The following TMEM94 variants were observed in gnomAD, a reference collection of about 807,000 sequenced individuals.
The protein encoded by TMEM94 is transmembrane protein 94, also known as ER Mg2+ ATPase.
In TMEM94, 81 loss-of-function variants were observed where a neutral mutation model predicts 158.6. The ratio of observed to expected loss-of-function variants is 0.51; its 90% CI spans 0.43 to 0.61. The LOEUF (loss-of-function observed/expected upper bound fraction) is 0.61, where lower values mean the gene tolerates loss of function less well. Ranked by LOEUF, TMEM94 falls within the 20% of genes least tolerant of loss-of-function variation. TMEM94 has a pLI of 0.00. For synonymous variants in TMEM94, 751 were observed against 730.7 expected (o/e 1.03, Z -0.45); for missense variants, 1,435 against 1,762.0 (o/e 0.81, Z 3.32).
Position 75,471,809 on chromosome 17 carries a change from C to T in TMEM94, c.-97C>T. 1 of 1,233,908 alleles carries T rather than the reference C, an allele frequency of 8.1e-7. No individual in the cohort carries two copies. Among genetic ancestry groups the T allele is most frequent in the Non-Finnish European group, 1.2e-6 (1 of 842,504 alleles). 76.4% of individuals were successfully genotyped at this position (1,233,908 alleles called of 1,614,324 possible). A position where few individuals can be genotyped will look rare whatever the true frequency, so the allele number is the denominator to read the frequency against. On this transcript the variant is annotated 5_prime_UTR_variant, in exon 2 of 32. Coordinates refer to ENST00000314256, the MANE Select transcript of TMEM94 (RefSeq NM_014738.6). ...TCTTCTTTTTCCCCAGATGTTGTGA[C>T]TGTGACAGACTCACTGGGGTTTGTA...
intron 2 of TMEM94, among the ~76,000 whole-genome samples, chr17:75,483,843 A>G (rs1692533204): frequency 6.6e-6 from 1 of 152,176 alleles, no homozygotes; most frequent in Non-Finnish European, 1.5e-5. Context: ...CATTCAGGGT[A>G]GCGGTCAGAC....
At chr17:75,466,682 G>A (rs914673775) in intron 1 of TMEM94, among the ~76,000 whole-genome samples, 5 of 152,036 alleles carry the variant, frequency 3.3e-5, no homozygotes, top group Non-Finnish European at 7.4e-5. Context: ...GCCGGCCATG[G>A]TGGTGGACAC....
intron 16 of TMEM94, 187 bp from the exon 17 acceptor site, chr17:75,493,304 T>A (rs2052382028): frequency 3.7e-6 from 3 of 821,902 alleles, no homozygotes; most frequent in Non-Finnish European, 3.8e-6. Flanking sequence ...GTCCAAAGGA[T>A]GGGAATATGG....
intron 2 of TMEM94, among the ~76,000 whole-genome samples, chr17:75,475,075 C>T (rs760991664): frequency 6.6e-6 from 1 of 152,158 alleles, no homozygotes; most frequent in East Asian, 1.9e-4. Context: ...CTTGTAGCTC[C>T]CACCCGAGCA....
intron 2 of TMEM94, among the ~76,000 whole-genome samples, chr17:75,483,046 G>T (rs994145514): frequency 6.6e-6 from 1 of 152,184 alleles, no homozygotes; most frequent in Non-Finnish European, 1.5e-5. Flanking sequence ...CCCAGAGGAG[G>T]TGATGTTTGA....
At position 75,490,404 on chromosome 17, in the gene TMEM94, G is replaced by C. The variant is rs546414028; in HGVS notation, c.1071+54G>C. On this transcript the variant is annotated intron_variant, in intron 10 of 31. Coordinates refer to ENST00000314256, the MANE Select transcript of TMEM94 (RefSeq NM_014738.6). ...GTCACAGGAACAAAAAGAGGGAGCTGGCTGTGCCAGAGGACGGGGGCAGAA... is the reference window on the plus strand; with the variant it reads ...GTCACAGGAACAAAAAGAGGGAGCTCGCTGTGCCAGAGGACGGGGGCAGAA... The C allele has an allele frequency of 4.9e-4, 777 of 1,580,502 alleles. 1 individual carries two copies. Among genetic ancestry groups the C allele is most frequent in the Non-Finnish European group, 6.2e-4 (726 of 1,163,328 alleles).
intron 2 of TMEM94, among the ~76,000 whole-genome samples, chr17:75,472,151 C>T (rs540737047): frequency 6.6e-6 from 1 of 152,338 alleles, no homozygotes; most frequent in South Asian, 2.1e-4. Flanking sequence ...ATTAACACAA[C>T]CGCATGGGAG....
rs754366445 is a variant in TMEM94 at position 75,498,795 on chromosome 17, G to C, written c.3827+73G>C. 5 of 1,526,478 alleles carry C rather than the reference G, an allele frequency of 3.3e-6. No homozygotes were observed. Among genetic ancestry groups the C allele is most frequent in the Non-Finnish European group, 4.4e-6 (5 of 1,135,876 alleles). The allele number at this position is 1,526,478 out of a possible 1,614,324, so 94.6% of individuals were successfully genotyped here. A position where few individuals can be genotyped will look rare whatever the true frequency, so the allele number is the denominator to read the frequency against. ...GGCCTTCTGCAGGGCTAGGATCGGA[G>C]GGCGGGACCGGGGCCAGTGGTTTAA... is the stretch of plus-strand genomic sequence containing the variant. On this transcript the variant is annotated intron_variant, in intron 30 of 31. Transcript: ENST00000314256. The surrounding 1 kb of genome is among the most constrained non-coding windows in gnomAD (Gnocchi z 6.7).
At position 75,496,192 on chromosome 17, in the gene TMEM94, A is replaced by G. The variant is rs1297525024; in HGVS notation, c.3054-90A>G. ...AGCCGACCTCGCCCTGGCTGGGACC[A>G]ATGCACCTGGGCATGGTGGGAGAAG... On this transcript the variant is annotated intron_variant, in intron 23 of 31. Transcript: ENST00000314256. 1.9e-6 allele frequency: 3 copies of G among 1,576,292 alleles called. No homozygotes were observed. In the South Asian group the frequency reaches 3.3e-5, roughly 18 times the overall value.
chr17:75,478,622 C>A (rs1331915752), intron 2 of TMEM94, among the ~76,000 whole-genome samples: 1 of 152,196 alleles, frequency 6.6e-6, no homozygotes, highest in Non-Finnish European at 1.5e-5. Flanking sequence ...CTGCCAGCGT[C>A]CCTCTTTGAT....
rs1342474989 is a variant in TMEM94, at chr17:75,491,146, C to T, written c.1226C>T (p.Ser409Phe). The T allele has an allele frequency of 6.2e-7, 1 of 1,609,876 alleles. No individual in the cohort carries two copies. The highest frequency in any genetic ancestry group is 8.5e-7 in the Non-Finnish European group (1 of 1,177,430). ...HSSSLLHSLG[S>F]VTVLCCVDKQ... ...TCCAGCCTGCTGCACAGCCTGGGCT[C>T]TGTCACGGTGAGGGTGGGCCTTGCG... Residue 409 changes from serine (S) to phenylalanine (F), a missense_variant, in exon 12 of 32, where the codon TCT (serine) becomes TTT (phenylalanine). By Grantham distance (155) the Ser-to-Phe change is radical. This residue lies in a region of TMEM94 where 1,051 missense variants were observed against 1,254.4 expected (regional missense o/e 0.84). Coordinates refer to ENST00000314256, the MANE Select transcript of TMEM94 (RefSeq NM_014738.6). The surrounding 1 kb of genome is among the most constrained non-coding windows in gnomAD (Gnocchi z 5.1).
At chr17:75,474,999 C>T (rs775469719) in intron 2 of TMEM94, among the ~76,000 whole-genome samples, 21 of 152,042 alleles carry the variant, frequency 1.4e-4, no homozygotes, top group Admixed American at 2.0e-4. Context: ...CTGCACAGCA[C>T]GTGGGCTAGT....
At position 75,486,090 on chromosome 17, in the gene TMEM94, C is replaced by T. The variant is rs368838741; in HGVS notation, c.272+92C>T. 2.4e-4 allele frequency: 354 copies of T among 1,460,868 alleles called. 6 individuals are homozygous for T. The East Asian group carries it at 4.9e-3, about 20-fold the overall frequency. The allele number at this position is 1,460,868 out of a possible 1,614,324, so 90.5% of individuals were successfully genotyped here. A position where few individuals can be genotyped will look rare whatever the true frequency, so the allele number is the denominator to read the frequency against. On this transcript the variant is annotated intron_variant, in intron 4 of 31. Coordinates refer to ENST00000314256, the MANE Select transcript of TMEM94 (RefSeq NM_014738.6). ...ACAGACCAGGGCTCTTGGGGGCTGT[C>T]ACCCCCAAGCTGCTCCTGGGATGTA...
intron 1 of TMEM94, among the ~76,000 whole-genome samples, chr17:75,471,447 CCA>C (rs2050499265): frequency 6.6e-6 from 1 of 151,764 alleles, no homozygotes; most frequent in African/African-American, 2.4e-5. Context: ...TTTCCGCGTA[CCA>C]TACTGTGGTT....
chr17:75,460,717 GC>G (rs2050036508), intron 1 of TMEM94, among the ~76,000 whole-genome samples: 1 of 151,942 alleles, frequency 6.6e-6, no homozygotes, highest in South Asian at 2.1e-4. Flanking sequence ...TTGCCCTGTT[GC>G]CCAGGCTGGT....
Position 75,489,317 on chromosome 17 carries a change from G to A in TMEM94, c.816G>A (p.Glu272=), listed in dbSNP as rs2051920620. 2 of 1,614,224 alleles carry A rather than the reference G, an allele frequency of 1.2e-6. No homozygotes were observed. The highest frequency in any genetic ancestry group is 2.2e-5 in the East Asian group (1 of 44,882). The change falls in exon 8 of 32, where the codon GAG becomes GAA. Residue 272 remains glutamate, a synonymous_variant. Transcript: ENST00000314256. The surrounding 1 kb of genome is among the most constrained non-coding windows in gnomAD (Gnocchi z 5.0). ...GACCAGTCACTGCCCTGGACAATGAGCGGTTCACAGTGCAGTCGGTGATGC... is the reference window on the plus strand; with the variant it reads ...GACCAGTCACTGCCCTGGACAATGAACGGTTCACAGTGCAGTCGGTGATGC... ...LSRPVTALDN[E]RFTVQSVMLH...
intron 19 of TMEM94, 43 bp from the exon 20 acceptor site, chr17:75,494,853 G>A (rs376983635): frequency 2.1e-5 from 34 of 1,612,612 alleles, no homozygotes; most frequent in African/African-American, 4.0e-5. Context: ...CTGTTTCCAC[G>A]GGCTTTTGGG....
chr17:75,476,669 T>C, intron 2 of TMEM94: 1 of 1,535,438 alleles, frequency 6.5e-7, no homozygotes, highest in Non-Finnish European at 8.7e-7. Flanking sequence ...AGCTGACTGC[T>C]TGTGGCTCAG....
chr17:75,475,224 C>T (rs1312211138), intron 2 of TMEM94, among the ~76,000 whole-genome samples: 1 of 152,194 alleles, frequency 6.6e-6, no homozygotes, highest in Non-Finnish European at 1.5e-5. Flanking sequence ...ATGGAGTCTT[C>T]CTGTTCTTAA....
Sources: gnomAD v4.1 joint callset for allele counts (sites outside exome capture counted in the v4.1 genomes callset) on GRCh38, gnomAD v4.1.1 for gene constraint, gnomAD v4.1.1 regional missense constraint, Gnocchi (gnomAD v3.1) non-coding constraint, MANE v1.5 for transcripts, NCBI Gene and HGNC (gene_info 2026-07-23, HGNC 2026-07-21) for gene names.